HOMER1: variants seen among roughly 807,000 people sequenced by gnomAD.
The protein encoded by HOMER1 is homer scaffold protein 1, also known as homer protein homolog 1.
In HOMER1, 3 loss-of-function variants were observed where a neutral mutation model predicts 48.9. That is an observed-to-expected ratio of 0.06 (90% confidence interval 0.03 to 0.16). HOMER1 has a LOEUF of 0.16. HOMER1 is among the 10% of genes least tolerant of loss of function. The pLI is 1.00. For synonymous variants in HOMER1, 134 were observed against 146.4 expected (o/e 0.92, Z 0.61); for missense variants, 247 against 411.4 (o/e 0.60, Z 3.46).
chr5:79,390,518 C>T (rs1749222140), intron 8 of HOMER1, among the ~76,000 whole-genome samples: 1 of 151,992 alleles, frequency 6.6e-6, no homozygotes, highest in African/African-American at 2.4e-5. Flanking sequence ...AATGCACACA[C>T]AGAAATGATA....
chr5:79,456,798 G>C, intron 2 of HOMER1, 64 bp downstream of exon 2: 2 of 1,406,502 alleles, frequency 1.4e-6, no homozygotes, highest in Non-Finnish European at 2.0e-6. Context: ...GTTCTGAATA[G>C]AACTAAAATG....
rs138510973 is a variant in HOMER1 at position 79,491,233 on chromosome 5, A to T, written c.5+21537T>A. 2.7e-4 allele frequency among the ~76,000 whole-genome samples: 41 copies of T among 151,590 alleles called. No individual in the cohort carries two copies. In the East Asian group the frequency reaches 8.0e-3, roughly 29 times the overall value. On this transcript the variant is annotated intron_variant, in intron 1 of 8. Transcript: ENST00000334082. ...GATCACTTGAGTTCAGGAATTCAAG[A>T]CCAGCCTGAGCAACATGACAAAACC...
At chr5:79,511,034 C>T (rs1752928880) in intron 1 of HOMER1, 1 of 303,912 alleles carries the variant, frequency 3.3e-6, no homozygotes, top group African/African-American at 2.2e-5. Flanking sequence ...AAAATTCATC[C>T]TAAGCTTCCC....
intron 3 of HOMER1, among the ~76,000 whole-genome samples, chr5:79,448,452 T>A (rs1580457438): frequency 6.6e-6 from 1 of 152,150 alleles, no homozygotes; most frequent in African/African-American, 2.4e-5. Flanking sequence ...CAGCTTAGAT[T>A]TCCCATAATA....
At chr5:79,512,728 C>T (rs1164335348) in intron 1 of HOMER1, 42 bp downstream of exon 1, 1 of 1,600,876 alleles carries the variant, frequency 6.2e-7, no homozygotes, top group Non-Finnish European at 8.6e-7. Flanking sequence ...AATACACATA[C>T]ATAAACAGAT....
intron 6 of HOMER1, among the ~76,000 whole-genome samples, chr5:79,398,872 C>T (rs564902961): frequency 5.6e-4 from 85 of 152,256 alleles, no homozygotes; most frequent in African/African-American, 1.9e-3. Context: ...CCTCTCTTGC[C>T]TCTGAAAACC....
intron 8 of HOMER1, among the ~76,000 whole-genome samples, chr5:79,385,774 C>T (rs1042971764): frequency 6.1e-5 from 8 of 130,800 alleles, no homozygotes; most frequent in South Asian, 2.5e-4. Flanking sequence ...ACCTGGGAAG[C>T]GGAGCTTGCA....
intron 1 of HOMER1, among the ~76,000 whole-genome samples, chr5:79,505,237 T>TGACA (rs1752714657): frequency 6.6e-6 from 1 of 151,594 alleles, no homozygotes; most frequent in Admixed American, 6.6e-5. Flanking sequence ...CCAGCCTGGG[T>TGACA]GACACAGCAA....
chr5:79,434,378 C>G (rs1750513947), intron 5 of HOMER1, among the ~76,000 whole-genome samples: 1 of 151,656 alleles, frequency 6.6e-6, no homozygotes, highest in Non-Finnish European at 1.5e-5. Context: ...GAATTCTAGA[C>G]AGCTGATGCT....
rs10527802 is a variant in HOMER1 at position 79,491,075 on chromosome 5, C to CAA, written c.5+21693_5+21694dup. Among the ~76,000 whole-genome samples the CAA allele has an allele frequency of 4.0e-3, 148 of 37,224 alleles. 33 individuals are homozygous for CAA. Among genetic ancestry groups the CAA allele is most frequent in the Non-Finnish European group, 8.4e-3 (106 of 12,688 alleles). 24.4% of individuals were successfully genotyped at this position (37,224 alleles called of 152,430 possible). ...TTTTTGGCCTTCAGTAGTACCAAAG[C>CAA]AAAAAAAAAAAAAAAAAAAAAAAAA... On this transcript the variant is annotated intron_variant, in intron 1 of 8. Transcript: ENST00000334082.
intron 5 of HOMER1, among the ~76,000 whole-genome samples, chr5:79,436,552 G>A (rs913071035): frequency 6.6e-6 from 1 of 152,198 alleles, no homozygotes; most frequent in African/African-American, 2.4e-5. Flanking sequence ...AATATAGTCA[G>A]CGCACACACA....
At chr5:79,465,493 A>G (rs962126641) in intron 1 of HOMER1, among the ~76,000 whole-genome samples, 1 of 152,096 alleles carries the variant, frequency 6.6e-6, no homozygotes, top group Admixed American at 6.6e-5. Flanking sequence ...ATTTGAAGAA[A>G]ATATCAAATC....
In HOMER1 at chr5:79,376,190, T is replaced by C. The variant is rs1385403094; in HGVS notation, c.884A>G (p.Glu295Gly). The change falls in exon 9 of 9, where the codon GAA becomes GGA. Residue 295 changes from glutamate (E) to glycine (G), a missense_variant. Glu to Gly is a moderately conservative substitution (Grantham distance 98). Transcript: ENST00000334082. Reference protein sequence around the residue: ...DSLTQKLQEVEIRNKDLEGQL... With the variant: ...DSLTQKLQEVGIRNKDLEGQL... ...TCCCTCCAGGTCTTTGTTCCGAATT[T>C]CTACTTCCTTCAGAAACAAAAGTGT... is the stretch of plus-strand genomic sequence containing the variant. The C allele has an allele frequency of 6.2e-7, 1 of 1,610,222 alleles. No homozygotes were observed. Among genetic ancestry groups the C allele is most frequent in the South Asian group, 1.1e-5 (1 of 90,208 alleles).
intron 1 of HOMER1, among the ~76,000 whole-genome samples, chr5:79,466,067 A>G (rs999864173): frequency 6.6e-6 from 1 of 152,190 alleles, no homozygotes; most frequent in African/African-American, 2.4e-5. Context: ...TGCACATTTA[A>G]GCAACATCTT....
intron 1 of HOMER1, among the ~76,000 whole-genome samples, chr5:79,502,942 C>T (rs984191328): frequency 3.3e-5 from 5 of 151,920 alleles, no homozygotes; most frequent in Non-Finnish European, 5.9e-5. Context: ...AGGCGCCCGC[C>T]ACCACGCCCG....
chr5:79,435,790 C>T (rs1421604564), intron 5 of HOMER1, among the ~76,000 whole-genome samples: 1 of 150,720 alleles, frequency 6.6e-6, no homozygotes, highest in Non-Finnish European at 1.5e-5. Context: ...AAGATTGAGC[C>T]ATTGCACTCC....
At chr5:79,385,885 A>C in intron 8 of HOMER1, among the ~76,000 whole-genome samples, 1 of 148,040 alleles carries the variant, frequency 6.8e-6, no homozygotes, top group Admixed American at 6.7e-5. Context: ...TCTTACTGCA[A>C]TTACAATGGC....
intron 5 of HOMER1, among the ~76,000 whole-genome samples, chr5:79,424,238 C>G (rs1467696581): frequency 6.6e-6 from 1 of 151,872 alleles, no homozygotes; most frequent in African/African-American, 2.4e-5. Context: ...AGGAAGTACC[C>G]TTTCTCTAAA....
intron 8 of HOMER1, among the ~76,000 whole-genome samples, chr5:79,386,839 C>T (rs1465126121): frequency 6.6e-6 from 1 of 152,128 alleles, no homozygotes; most frequent in Non-Finnish European, 1.5e-5. Context: ...TAAAATACTA[C>T]AATGATTAAA....
Sources: allele counts gnomAD v4.1 joint callset (sites outside exome capture counted in the v4.1 genomes callset), GRCh38; gene constraint gnomAD v4.1.1; transcripts MANE v1.5; gene names NCBI Gene and HGNC (gene_info 2026-07-23, HGNC 2026-07-21).